Variants in ATAD2B observed in about 807,000 individuals in gnomAD.
The protein encoded by ATAD2B is ATPase family AAA domain containing 2B.
ATAD2B carries 40 observed loss-of-function variants against 167.6 expected under a neutral mutation model. The observed-to-expected ratio is 0.24, with a 90% CI of 0.19 to 0.31. The LOEUF (loss-of-function observed/expected upper bound fraction) is 0.31. ATAD2B is among the 10% of genes least tolerant of loss of function. ATAD2B has a pLI of 1.00. For missense variants in ATAD2B, 1,242 were observed against 1,757.2 expected (o/e 0.71, Z 5.24); for synonymous variants, 579 against 596.5 (o/e 0.97, Z 0.43).
Position 23,782,984 on chromosome 2 carries a change from T to G in ATAD2B, c.3018A>C (p.Ser1006=). 6.3e-7 allele frequency: 1 copy of G among 1,577,608 alleles called. No individual in the cohort carries two copies. The highest frequency in any genetic ancestry group is 8.7e-7 in the Non-Finnish European group (1 of 1,148,608). ...GTTTATCAATTTTAGTTATTACTGT[T>G]GATAAGTCCATTGGTTCCTTGATTA... is the stretch of plus-strand genomic sequence containing the variant. The part of the protein sequence containing the change: ...LEVIKEPMDL[S]TVITKIDKHN... Residue 1006 remains serine, a synonymous_variant, in exon 22 of 28, where the codon TCA becomes TCC. Transcript: ENST00000238789.
the ATAD2B span, among the ~76,000 whole-genome samples, chr2:23,738,376 G>C: frequency 6.6e-6 from 1 of 152,232 alleles, no homozygotes; most frequent in African/African-American, 2.4e-5. Context: ...CCAGCCAGAA[G>C]AGAGTGGGGA....
At chr2:23,822,892 G>A (rs1401177034) in intron 16 of ATAD2B, among the ~76,000 whole-genome samples, 2 of 138,978 alleles carry the variant, frequency 1.4e-5, no homozygotes, top group Non-Finnish European at 3.0e-5. Context: ...ACTCCAGCCT[G>A]GGCAACAAGA....
rs192798413 is a variant in ATAD2B at position 23,801,008 on chromosome 2, T to C, written c.2455-2685A>G. Among the ~76,000 whole-genome samples the C allele has an allele frequency of 2.6e-5, 4 of 152,212 alleles. No homozygotes were observed. The East Asian group carries it at 7.7e-4, about 29-fold the overall frequency. ...TTTTGTAATTTTTCTCCTAAGTCTTTAGAGGAAAACCATCCTTAATTTCTA... is the reference window on the plus strand; with the variant it reads ...TTTTGTAATTTTTCTCCTAAGTCTTCAGAGGAAAACCATCCTTAATTTCTA... On this transcript the variant is annotated intron_variant, in intron 18 of 27. Transcript: ENST00000238789.
chr2:23,700,066 T>G, the ATAD2B span, among the ~76,000 whole-genome samples: 1 of 152,206 alleles, frequency 6.6e-6, no homozygotes, highest in Non-Finnish European at 1.5e-5. This position sits in a 1 kb window ranked among gnomAD's most constrained non-coding sequence, Gnocchi z 4.6. Context: ...CCACGTTCCC[T>G]CTGCACTTTG....
the ATAD2B span, chr2:23,706,487 G>A: frequency 1.3e-6 from 2 of 1,527,610 alleles, no homozygotes; most frequent in South Asian, 2.4e-5. Flanking sequence ...ACAGTGCTGT[G>A]GTGCTTGATG....
chr2:23,699,336 G>A, the ATAD2B span, among the ~76,000 whole-genome samples: 5 of 152,314 alleles, frequency 3.3e-5, no homozygotes, highest in Admixed American at 1.3e-4. Flanking sequence ...CCCAGGCCTC[G>A]CATTGCGTCC....
rs1314474601 is a variant in ATAD2B, at chr2:23,760,697, TATAC to T, written c.3394+1508_3394+1511del. ...AAAAAAAAATAAATAAATTTATATA[TATAC>T]ACACACACACACACACACACACACA... On this transcript the variant is annotated intron_variant, in intron 24 of 27. Coordinates refer to ENST00000238789, the MANE Select transcript of ATAD2B (RefSeq NM_017552.4). Among the ~76,000 whole-genome samples, 130 of 118,052 alleles carry T rather than the reference TATAC, an allele frequency of 1.1e-3. 1 individual carries two copies. Among genetic ancestry groups the T allele is most frequent in the Admixed American group, 2.2e-3 (26 of 11,632 alleles). 77.4% of individuals were successfully genotyped at this position (118,052 alleles called of 152,430 possible).
At chr2:23,754,035 A>G (rs1380796555) in intron 27 of ATAD2B, 144 bp downstream of exon 27, 2 of 666,722 alleles carry the variant, frequency 3.0e-6, no homozygotes, top group Non-Finnish European at 4.7e-6. Context: ...GTAACTCTTA[A>G]TGATTTTTGT....
the ATAD2B span, among the ~76,000 whole-genome samples, chr2:23,701,793 CTTTTTTTTT>C: frequency 1.8e-4 from 4 of 22,536 alleles, no homozygotes; most frequent in Non-Finnish European, 3.0e-4. Flanking sequence ...CTTTTTTTTG[CTTTTTTTTT>C]TTTTTTTTTT....
At chr2:23,706,672 A>G in the ATAD2B span, 1 of 1,515,068 alleles carries the variant, frequency 6.6e-7, no homozygotes, top group Non-Finnish European at 8.8e-7. Context: ...TGACATCAGC[A>G]GAAAGCCCAC....
intron 17 of ATAD2B, among the ~76,000 whole-genome samples, chr2:23,818,362 C>A (rs1160162483): frequency 2.6e-3 from 256 of 99,276 alleles, no homozygotes; most frequent in African/African-American, 4.1e-3. Context: ...AGGTGAAAAG[C>A]AAAAAAAAAA....
intron 8 of ATAD2B, among the ~76,000 whole-genome samples, chr2:23,870,446 T>C (rs1487823066): frequency 6.6e-6 from 1 of 151,670 alleles, no homozygotes; most frequent in African/African-American, 2.4e-5. Flanking sequence ...GCCACCACAC[T>C]GGCTAGTTTT....
chr2:23,691,933 C>A, the ATAD2B span: 11 of 1,495,560 alleles, frequency 7.4e-6, no homozygotes, highest in African/African-American at 1.5e-4. Flanking sequence ...GGGCGGAGAA[C>A]TCCATAAACA....
chr2:23,692,812 G>A, the ATAD2B span, among the ~76,000 whole-genome samples: 218 of 152,272 alleles, frequency 1.4e-3, no homozygotes, highest in Non-Finnish European at 2.9e-3. Flanking sequence ...TGGGGCAGAA[G>A]CCTATGCAAG....
At chr2:23,791,443 C>T (rs954538663) in intron 19 of ATAD2B, among the ~76,000 whole-genome samples, 2 of 151,472 alleles carry the variant, frequency 1.3e-5, no homozygotes, top group Non-Finnish European at 2.9e-5. Context: ...TTTTTGATTA[C>T]AGCTATTAGG....
At chr2:23,898,293 A>C (rs1260875062) in intron 1 of ATAD2B, among the ~76,000 whole-genome samples, 3 of 152,218 alleles carry the variant, frequency 2.0e-5, no homozygotes, top group Non-Finnish European at 4.4e-5. Context: ...TATTGTCTCT[A>C]AGGGAGGCCA....
the ATAD2B span, chr2:23,690,908 C>G: frequency 6.5e-6 from 1 of 152,790 alleles, no homozygotes; most frequent in Admixed American, 6.5e-5. Context: ...CCGACGCACA[C>G]TCTACACGCA....
intron 17 of ATAD2B, among the ~76,000 whole-genome samples, chr2:23,818,944 TATA>T (rs1687017141): frequency 6.6e-6 from 1 of 152,196 alleles, no homozygotes; most frequent in African/African-American, 2.4e-5. Context: ...ATTATGCAAG[TATA>T]ATGTTTCTAG....
At chr2:23,771,162 C>T (rs1678267943) in intron 22 of ATAD2B, among the ~76,000 whole-genome samples, 1 of 152,130 alleles carries the variant, frequency 6.6e-6, no homozygotes, top group Non-Finnish European at 1.5e-5. Flanking sequence ...CTCCTGCAAC[C>T]CTAACTTCAC....
Sources: gnomAD v4.1 joint callset for allele counts (sites outside exome capture counted in the v4.1 genomes callset) on GRCh38, gnomAD v4.1.1 for gene constraint, Gnocchi (gnomAD v3.1) non-coding constraint, MANE v1.5 for transcripts, NCBI Gene and HGNC (gene_info 2026-07-23, HGNC 2026-07-21) for gene names.